SMAD6: variants seen among roughly 807,000 people sequenced by gnomAD.
SMAD6 encodes the protein MAD homolog 6.
A neutral mutation model predicts 39.4 loss-of-function variants in SMAD6; 103 were observed. The ratio of observed to expected loss-of-function variants is 2.62; its 90% CI spans 2.23 to 3.08. The LOEUF is 3.08. SMAD6 is among the 30% of genes most tolerant of loss of function. SMAD6 has a pLI of 0.00. For missense variants in SMAD6, 1,104 were observed against 742.9 expected, an observed-to-expected ratio of 1.49 and a Z score of -5.65; for synonymous variants, 445 against 353.3, an observed-to-expected ratio of 1.26 and a Z score of -2.91.
chr15:66,714,356 G>A (rs1035838284), intron 2 of SMAD6, among the ~76,000 whole-genome samples: 2 of 151,896 alleles, frequency 1.3e-5, no homozygotes, highest in African/African-American at 4.8e-5. Flanking sequence ...TGGTTTGCAA[G>A]CTACGAATGG....
chr15:66,731,170 G>C (rs1481541174), intron 3 of SMAD6, among the ~76,000 whole-genome samples: 6 of 152,158 alleles, frequency 3.9e-5, no homozygotes, highest in Non-Finnish European at 8.8e-5. Context: ...CGGGCGCGGT[G>C]GCTCATGCCT....
Position 66,703,534 on chromosome 15 carries a change from C to T in SMAD6, c.276C>T (p.Pro92=), listed in dbSNP as rs1893028526. Residue 92 remains proline (P), a synonymous_variant, in exon 1 of 4, where the codon CCC becomes CCT. Coordinates refer to ENST00000288840, the MANE Select transcript of SMAD6 (RefSeq NM_005585.5). ...GGCGCGCAGGGGGCCCCCCGAGGCC[C>T]ATGTCGGAGCCAGGGGCCGGCGCTG... ...RRRRAGGPPR[P]MSEPGAGAGS... 4 of 1,221,878 alleles carry T rather than the reference C, an allele frequency of 3.3e-6. No individual in the cohort carries two copies. Among genetic ancestry groups the T allele is most frequent in the Non-Finnish European group, 4.1e-6 (4 of 979,242 alleles). 75.7% of individuals were successfully genotyped at this position (1,221,878 alleles called of 1,614,324 possible).
At chr15:66,718,425 C>T (rs562292330) in intron 3 of SMAD6, among the ~76,000 whole-genome samples, 1 of 152,280 alleles carries the variant, frequency 6.6e-6, no homozygotes, top group South Asian at 2.1e-4. Context: ...GAGAAGGTCC[C>T]TGCTACTCAT....
At chr15:66,751,845 G>A (rs1276175693) in intron 3 of SMAD6, among the ~76,000 whole-genome samples, 2 of 152,094 alleles carry the variant, frequency 1.3e-5, no homozygotes. Flanking sequence ...GTTTTGTTGA[G>A]AAGAGGAAAC....
chr15:66,781,301 GC>G lies in SMAD6; in HGVS notation c.1260del (p.Gly421AlafsTer118). On this transcript the variant is annotated frameshift_variant, in exon 4 of 4. Coordinates refer to ENST00000288840, the MANE Select transcript of SMAD6 (RefSeq NM_005585.5). LOFTEE classifies it high-confidence loss of function. ...TCGTCAACTCCCCGACGCTGGACGCGCCCGGCGGCCGCGCCCTGGTCGTGCG... is the reference window on the plus strand; with the variant it reads ...TCGTCAACTCCCCGACGCTGGACGCGCCGGCGGCCGCGCCCTGGTCGTGCG... ...IFVNSPTLDA[P>X]GGRALVVRKV... is the part of the protein sequence containing the mutation. The G allele has an allele frequency of 6.2e-7, 1 of 1,602,790 alleles. No homozygotes were observed. Among genetic ancestry groups the G allele is most frequent in the Non-Finnish European group, 8.5e-7 (1 of 1,176,272 alleles).
intron 3 of SMAD6, among the ~76,000 whole-genome samples, chr15:66,740,138 G>A (rs1166258218): frequency 1.3e-5 from 2 of 152,208 alleles, no homozygotes; most frequent in Non-Finnish European, 2.9e-5. Flanking sequence ...AGCCCCAGCT[G>A]GGAGGTGGGG....
In SMAD6 at chr15:66,703,877, C is replaced by G; in HGVS notation, c.619C>G (p.Leu207Val). 7.6e-7 allele frequency: 1 copy of G among 1,322,736 alleles called. No individual in the cohort carries two copies. The highest frequency in any genetic ancestry group is 9.7e-7 in the Non-Finnish European group (1 of 1,033,128). The allele number at this position is 1,322,736 out of a possible 1,614,324, so 81.9% of individuals were successfully genotyped here. The change falls in exon 1 of 4, where the codon CTG becomes GTG. Residue 207 changes from leucine to valine, a missense_variant. By Grantham distance (32) the Leu-to-Val change is conservative. Coordinates refer to ENST00000288840, the MANE Select transcript of SMAD6 (RefSeq NM_005585.5). Reference protein sequence around the residue: ...SRGGVPGGCVLVPRADLRLGG... With the variant: ...SRGGVPGGCVVVPRADLRLGG... The stretch of plus-strand genomic sequence containing the variant: ...CGGCGGCGTGCCGGGCGGCTGCGTG[C>G]TGGTGCCGCGCGCCGACCTCCGCCT...
rs1894552779 is a variant in SMAD6 at position 66,781,050 on chromosome 15, T to C, written c.1006T>C (p.Tyr336His). 1.9e-6 allele frequency: 3 copies of C among 1,602,372 alleles called. No homozygotes were observed. Among genetic ancestry groups the C allele is most frequent in the Non-Finnish European group, 2.5e-6 (3 of 1,178,352 alleles). ...TKPSHWCSVA[Y>H]WEHRTRVGRL... ...GCCGAGCCACTGGTGCAGCGTGGCG[T>C]ACTGGGAGCACCGGACGCGCGTGGG... is the stretch of plus-strand genomic sequence containing the variant. The change falls in exon 4 of 4, where the codon TAC (tyrosine) becomes CAC (histidine). Residue 336 changes from tyrosine (Y) to histidine (H), a missense_variant. Physicochemically the swap from Tyr to His is moderately conservative, Grantham distance 83 (BLOSUM62 2). Transcript: ENST00000288840.
chr15:66,710,160 G>A (rs1893200015), intron 1 of SMAD6, among the ~76,000 whole-genome samples: 1 of 152,206 alleles, frequency 6.6e-6, no homozygotes, highest in Admixed American at 6.5e-5. Context: ...TTTCTCATCT[G>A]TAAAATGGGG....
intron 3 of SMAD6, among the ~76,000 whole-genome samples, chr15:66,743,514 TCATC>T (rs1893852012): frequency 6.6e-6 from 1 of 151,988 alleles, no homozygotes; most frequent in African/African-American, 2.4e-5. Flanking sequence ...AATGGCTTGT[TCATC>T]CAGCCAGTTA....
At chr15:66,733,640 T>A (rs1327792429) in intron 3 of SMAD6, among the ~76,000 whole-genome samples, 1 of 152,244 alleles carries the variant, frequency 6.6e-6, no homozygotes, top group Admixed American at 6.5e-5. Context: ...CATATATGCA[T>A]AGGACTTTCA....
chr15:66,780,212 C>T (rs1894533497), intron 3 of SMAD6, among the ~76,000 whole-genome samples: 1 of 152,154 alleles, frequency 6.6e-6, no homozygotes, highest in Non-Finnish European at 1.5e-5. Context: ...AGTTCTGGTA[C>T]AAACCTGCAT....
At chr15:66,752,672 T>TAG (rs1379005475) in intron 3 of SMAD6, among the ~76,000 whole-genome samples, 1 of 152,110 alleles carries the variant, frequency 6.6e-6, no homozygotes, top group Non-Finnish European at 1.5e-5. Flanking sequence ...CACATGCCTG[T>TAG]AGTCCCAGCT....
chr15:66,762,409 C>T (rs1198936615), intron 3 of SMAD6, among the ~76,000 whole-genome samples: 1 of 152,054 alleles, frequency 6.6e-6, no homozygotes, highest in African/African-American at 2.4e-5. Flanking sequence ...AAACCCAAAC[C>T]CACAATGAGT....
At chr15:66,767,915 C>A (rs912175686) in intron 3 of SMAD6, among the ~76,000 whole-genome samples, 1 of 150,826 alleles carries the variant, frequency 6.6e-6, no homozygotes, top group Non-Finnish European at 1.5e-5. Flanking sequence ...TCTAATGTCC[C>A]ACCTTTGTAC....
intron 3 of SMAD6, among the ~76,000 whole-genome samples, chr15:66,732,221 A>G (rs1180106324): frequency 6.6e-6 from 1 of 152,142 alleles, no homozygotes; most frequent in Non-Finnish European, 1.5e-5. Context: ...GATTACAGAC[A>G]TGAGCCACCA....
intron 3 of SMAD6, among the ~76,000 whole-genome samples, chr15:66,745,517 A>G (rs949335063): frequency 1.3e-5 from 2 of 152,136 alleles, no homozygotes; most frequent in African/African-American, 4.8e-5. Context: ...TCAAGGGGAA[A>G]AGGGCTTCCT....
At chr15:66,715,983 G>A (rs1407309485) in intron 2 of SMAD6, among the ~76,000 whole-genome samples, 1 of 152,048 alleles carries the variant, frequency 6.6e-6, no homozygotes, top group African/African-American at 2.4e-5. Flanking sequence ...CTAGCGGGAG[G>A]GAGGAAGGAA....
Position 66,703,596 on chromosome 15 carries a change from CG to C in SMAD6, c.341del (p.Gly114AlafsTer11). 8.1e-7 allele frequency: 1 copy of C among 1,227,838 alleles called. No individual in the cohort carries two copies. The highest frequency in any genetic ancestry group is 1.0e-6 in the Non-Finnish European group (1 of 981,996). The allele number at this position is 1,227,838 out of a possible 1,614,324, so 76.1% of individuals were successfully genotyped here. A position where few individuals can be genotyped will look rare whatever the true frequency, so the allele number is the denominator to read the frequency against. On this transcript the variant is annotated frameshift_variant, in exon 1 of 4. Transcript: ENST00000288840. LOFTEE classifies it high-confidence loss of function. ...CTGGACGTGGCGGAGCCGGGAGGCCCGGGCTGGCTGCCCGAGAGTGACTGCG... is the reference window on the plus strand; with the variant it reads ...CTGGACGTGGCGGAGCCGGGAGGCCCGGCTGGCTGCCCGAGAGTGACTGCG... ...SLLDVAEPGG[P>X]GWLPESDCET... is the part of the protein sequence containing the mutation.
Sources: gnomAD v4.1 joint callset for allele counts (sites outside exome capture counted in the v4.1 genomes callset) on GRCh38, gnomAD v4.1.1 for gene constraint, MANE v1.5 for transcripts, NCBI Gene and HGNC (gene_info 2026-07-23, HGNC 2026-07-21) for gene names.